The following DCAF4L2 variants were observed in gnomAD, a reference collection of about 807,000 sequenced individuals.
DCAF4L2 encodes the protein DDB1 and CUL4 associated factor 4 like 2, also known as DDB1- and CUL4-associated factor 4-like protein 2.
In DCAF4L2, 13 loss-of-function variants were observed where a neutral mutation model predicts 15.5. The ratio of observed to expected loss-of-function variants is 0.84; its 90% CI spans 0.54 to 1.33. The LOEUF (loss-of-function observed/expected upper bound fraction) is 1.33. Ranked by LOEUF, DCAF4L2 falls within the 40% of genes most tolerant of loss-of-function variation. DCAF4L2 has a pLI of 0.00. For synonymous variants in DCAF4L2, 251 were observed against 207.0 expected (o/e 1.21, Z -1.83); for missense variants, 519 against 509.6 (o/e 1.02, Z -0.18).
rs765307356 is a variant in DCAF4L2, at chr8:87,873,412, G to C, written c.560C>G (p.Ser187Cys). 9 of 1,614,186 alleles carry C rather than the reference G, an allele frequency of 5.6e-6. No homozygotes were observed. The South Asian group carries it at 8.8e-5, about 16-fold the overall frequency. ...GTGGATGCTCAGGGACCAGGCACAG[G>C]ACCAGGCATCAGGGATCTGGAAACT... is the stretch of plus-strand genomic sequence containing the variant. ...LCSFQIPDAW[S>C]CAWSLSIHAY... The change falls in exon 1 of 1, where the codon TCC becomes TGC. Residue 187 changes from serine to cysteine, a missense_variant. Ser to Cys is a moderately radical substitution (Grantham distance 112, BLOSUM62 -1). Coordinates refer to ENST00000319675, the MANE Select transcript of DCAF4L2 (RefSeq NM_152418.4).
Position 87,873,449 on chromosome 8 carries a change from C to T in DCAF4L2, c.523G>A (p.Gly175Ser), listed in dbSNP as rs373178646. The part of the protein sequence containing the change: ...IGSFPGMRRP[G>S]MLCSFQIPDA... ...GGGATCTGGAAACTGCAAAGCATGC[C>T]AGGCCGACGCATTCCTGGGAAGCTA... The change falls in exon 1 of 1, where the codon GGC (glycine) becomes AGC (serine). Residue 175 changes from glycine (G) to serine (S), a missense_variant. Coordinates refer to ENST00000319675, the MANE Select transcript of DCAF4L2 (RefSeq NM_152418.4). The T allele has an allele frequency of 8.7e-6, 14 of 1,614,196 alleles. No homozygotes were observed. The African/African-American group carries it at 9.3e-5, about 11-fold the overall frequency.
Position 87,871,258 on chromosome 8 carries a change from AACCAT to A in DCAF4L2, c.*1521_*1525del, listed in dbSNP as rs1271119509. 2 of 152,374 alleles carry A rather than the reference AACCAT, an allele frequency of 1.3e-5. No homozygotes were observed. The highest frequency in any genetic ancestry group is 3.9e-4 in the East Asian group (2 of 5,188). 9.4% of individuals were successfully genotyped at this position (152,374 alleles called of 1,614,324 possible). On this transcript the variant is annotated 3_prime_UTR_variant, in exon 1 of 1. Coordinates refer to ENST00000319675, the MANE Select transcript of DCAF4L2 (RefSeq NM_152418.4). ...CCTCCCCATTTTAGTAAATGACACC[AACCAT>A]CCACCAGTCCTAAAGTTAACAAAAA...
Position 87,872,931 on chromosome 8 carries a change from G to A in DCAF4L2, c.1041C>T (p.His347=), listed in dbSNP as rs1436569028. 1.2e-6 allele frequency: 2 copies of A among 1,614,172 alleles called. No homozygotes were observed. Among genetic ancestry groups the A allele is most frequent in the Non-Finnish European group, 8.5e-7 (1 of 1,180,028 alleles). The change falls in exon 1 of 1, where the codon CAC becomes CAT. Residue 347 remains histidine (H), a synonymous_variant. Coordinates refer to ENST00000319675, the MANE Select transcript of DCAF4L2 (RefSeq NM_152418.4). ...YTRIWSLRHG[H]LLTTIPSPYP... ...ATGGGGAGGGTATGGTTGTGAGCAG[G>A]TGGCCATGACGGAGGCTCCAGATTC... is the stretch of plus-strand genomic sequence containing the variant.
In DCAF4L2 at chr8:87,873,508, C is replaced by G; in HGVS notation, c.464G>C (p.Cys155Ser). Residue 155 changes from cysteine (C) to serine (S), a missense_variant, in exon 1 of 1, where the codon TGT (cysteine) becomes TCT (serine). Coordinates refer to ENST00000319675, the MANE Select transcript of DCAF4L2 (RefSeq NM_152418.4). ...CAGCGACGCTGGGAGCAGCACGGCA[C>G]AGCTTGGAGTATCTGCAAGTCCCAC... ...CFVGLADTPS[C>S]AVLLPASLFI... is the part of the protein sequence containing the mutation. The G allele has an allele frequency of 1.2e-6, 2 of 1,614,216 alleles. No individual in the cohort carries two copies. The highest frequency in any genetic ancestry group is 1.1e-5 in the South Asian group (1 of 91,088).
rs199872648 is a variant in DCAF4L2 at position 87,873,610 on chromosome 8, T to C, written c.362A>G (p.Tyr121Cys). ...AGAATTCACCTTCCGATTAGGGACG[T>C]AGAGGGTTTTGTGCGGGTATACCCG... ...ELRVYPHKTL[Y>C]VPNRKVNSMC... Residue 121 changes from tyrosine (Y) to cysteine (C), a missense_variant, in exon 1 of 1, where the codon TAC (tyrosine) becomes TGC (cysteine). Transcript: ENST00000319675. 3.1e-6 allele frequency: 5 copies of C among 1,614,098 alleles called. No individual in the cohort carries two copies. The highest frequency in any genetic ancestry group is 4.2e-6 in the Non-Finnish European group (5 of 1,180,024).
In DCAF4L2 at chr8:87,872,766, G is replaced by A. The variant is rs372278807; in HGVS notation, c.*18C>T. On this transcript the variant is annotated 3_prime_UTR_variant, in exon 1 of 1. Coordinates refer to ENST00000319675, the MANE Select transcript of DCAF4L2 (RefSeq NM_152418.4). ...CTTTAAGTCAAATCCACGTTCCTCC[G>A]GGCTGCATCCTGAAGAATTAACCGT... 3.9e-6 allele frequency: 6 copies of A among 1,539,236 alleles called. No individual in the cohort carries two copies. Among genetic ancestry groups the A allele is most frequent in the South Asian group, 2.6e-5 (2 of 78,268 alleles).
At position 87,873,496 on chromosome 8, in the gene DCAF4L2, A is replaced by G; in HGVS notation, c.476T>C (p.Leu159Pro). ...LADTPSCAVL[L>P]PASLFIGSFP... ...GCTACCTATGAACAGCGACGCTGGG[A>G]GCAGCACGGCACAGCTTGGAGTATC... The change falls in exon 1 of 1, where the codon CTC becomes CCC. Residue 159 changes from leucine (L) to proline (P), a missense_variant. Physicochemically the swap from Leu to Pro is moderately conservative, Grantham distance 98. Transcript: ENST00000319675. The G allele has an allele frequency of 6.2e-7, 1 of 1,614,198 alleles. No homozygotes were observed. The highest frequency in any genetic ancestry group is 8.5e-7 in the Non-Finnish European group (1 of 1,180,038).
In DCAF4L2 at chr8:87,871,532, T is replaced by C. The variant is rs1013486204; in HGVS notation, c.*1252A>G. On this transcript the variant is annotated 3_prime_UTR_variant, in exon 1 of 1. Coordinates refer to ENST00000319675, the MANE Select transcript of DCAF4L2 (RefSeq NM_152418.4). The stretch of plus-strand genomic sequence containing the variant: ...GTGAAGTGTATAGACATACAAAATA[T>C]GTATGTATCAAGGATCAAGAAAAAG... The C allele has an allele frequency of 6.6e-6, 1 of 152,152 alleles. No homozygotes were observed. The highest frequency in any genetic ancestry group is 2.4e-5 in the African/African-American group (1 of 41,444). The allele number at this position is 152,152 out of a possible 1,614,324, so 9.4% of individuals were successfully genotyped here. A position where few individuals can be genotyped will look rare whatever the true frequency, so the allele number is the denominator to read the frequency against.
chr8:87,872,585 C>G lies in DCAF4L2; in HGVS notation c.*199G>C. ...AGTTATCTTTTATGAAAAGGACTTTCAAGCTCTCTCAGCCCAGTTTAACTG... is the reference window on the plus strand; with the variant it reads ...AGTTATCTTTTATGAAAAGGACTTTGAAGCTCTCTCAGCCCAGTTTAACTG... On this transcript the variant is annotated 3_prime_UTR_variant, in exon 1 of 1. Transcript: ENST00000319675. 1 of 473,846 alleles carries G rather than the reference C, an allele frequency of 2.1e-6. No homozygotes were observed. Among genetic ancestry groups the G allele is most frequent in the South Asian group, 5.5e-5 (1 of 18,330 alleles). 29.4% of individuals were successfully genotyped at this position (473,846 alleles called of 1,614,324 possible).
In DCAF4L2 at chr8:87,873,022, T is replaced by C. The variant is rs973382388; in HGVS notation, c.950A>G (p.Tyr317Cys). Residue 317 changes from tyrosine (Y) to cysteine (C), a missense_variant, in exon 1 of 1, where the codon TAC becomes TGC. Transcript: ENST00000319675. ...TTCTTCGTTCACATGCACGGGTAGG[T>C]AGGCGGAGTTATTCACATGACCTTC... The part of the protein sequence containing the change: ...QYEGHVNNSA[Y>C]LPVHVNEEEG... 12 of 1,614,140 alleles carry C rather than the reference T, an allele frequency of 7.4e-6. No individual in the cohort carries two copies. The highest frequency in any genetic ancestry group is 1.0e-5 in the Non-Finnish European group (12 of 1,180,022).
In DCAF4L2 at chr8:87,872,658, A is replaced by G; in HGVS notation, c.*126T>C. The G allele has an allele frequency of 1.0e-6, 1 of 1,004,102 alleles. No homozygotes were observed. The highest frequency in any genetic ancestry group is 1.4e-6 in the Non-Finnish European group (1 of 707,926). The allele number at this position is 1,004,102 out of a possible 1,614,324, so 62.2% of individuals were successfully genotyped here. A position where few individuals can be genotyped will look rare whatever the true frequency, so the allele number is the denominator to read the frequency against. ...TCACATAAAACAGCACCTTACCCCT[A>G]GCAGCCGGATGGATGGGATCTACAA... is the stretch of plus-strand genomic sequence containing the variant. On this transcript the variant is annotated 3_prime_UTR_variant, in exon 1 of 1. Transcript: ENST00000319675.
In DCAF4L2 at chr8:87,873,419, C is replaced by A. The variant is rs1278768693; in HGVS notation, c.553G>T (p.Ala185Ser). 6.2e-7 allele frequency: 1 copy of A among 1,614,174 alleles called. No individual in the cohort carries two copies. Among genetic ancestry groups the A allele is most frequent in the Non-Finnish European group, 8.5e-7 (1 of 1,180,042 alleles). The part of the protein sequence containing the change: ...GMLCSFQIPD[A>S]WSCAWSLSIH... ...CTCAGGGACCAGGCACAGGACCAGGCATCAGGGATCTGGAAACTGCAAAGC... is the reference window on the plus strand; with the variant it reads ...CTCAGGGACCAGGCACAGGACCAGGAATCAGGGATCTGGAAACTGCAAAGC... The change falls in exon 1 of 1, where the codon GCC becomes TCC. Residue 185 changes from alanine (A) to serine (S), a missense_variant. Transcript: ENST00000319675.
At position 87,873,308 on chromosome 8, in the gene DCAF4L2, C is replaced by T. The variant is rs973786070; in HGVS notation, c.664G>A (p.Gly222Arg). 1.9e-6 allele frequency: 3 copies of T among 1,614,164 alleles called. No homozygotes were observed. Among genetic ancestry groups the T allele is most frequent in the Non-Finnish European group, 2.5e-6 (3 of 1,180,046 alleles). The change falls in exon 1 of 1, where the codon GGG becomes AGG. Residue 222 changes from glycine to arginine, a missense_variant. By Grantham distance (125) the Gly-to-Arg change is moderately radical (BLOSUM62 -2). Transcript: ENST00000319675. Reference sequence around the variant, plus strand: ...TGGGCCAAGACATCACTGCTAGTCCCAAATGACTGCTGGTGTCCCGTCACC... The same window carrying T: ...TGGGCCAAGACATCACTGCTAGTCCTAAATGACTGCTGGTGTCCCGTCACC... ...NVVTGHQQSFGTSSDVLAQQF... is the reference protein window; with the variant it reads ...NVVTGHQQSFRTSSDVLAQQF...
At position 87,873,698 on chromosome 8, in the gene DCAF4L2, C is replaced by A. The variant is rs1266486705; in HGVS notation, c.274G>T (p.Val92Phe). Reference protein sequence around the residue: ...NTDQLFTVNQVEAGGSKYGII... With the variant: ...NTDQLFTVNQFEAGGSKYGII... ...CCGTACTTGGAGCCTCCAGCTTCGACTTGGTTCACTGTGAAGAGCTGGTCA... is the reference window on the plus strand; with the variant it reads ...CCGTACTTGGAGCCTCCAGCTTCGAATTGGTTCACTGTGAAGAGCTGGTCA... Residue 92 changes from valine (V) to phenylalanine (F), a missense_variant, in exon 1 of 1, where the codon GTC becomes TTC. Coordinates refer to ENST00000319675, the MANE Select transcript of DCAF4L2 (RefSeq NM_152418.4). 1 of 1,614,194 alleles carries A rather than the reference C, an allele frequency of 6.2e-7. No individual in the cohort carries two copies.
rs1217739360 is a variant in DCAF4L2 at position 87,873,536 on chromosome 8, A to C, written c.436T>G (p.Phe146Val). 1.2e-6 allele frequency: 2 copies of C among 1,614,100 alleles called. No individual in the cohort carries two copies. Among genetic ancestry groups the C allele is most frequent in the South Asian group, 1.1e-5 (1 of 91,094 alleles). The change falls in exon 1 of 1, where the codon TTC (phenylalanine) becomes GTC (valine). Residue 146 changes from phenylalanine to valine, a missense_variant. Coordinates refer to ENST00000319675, the MANE Select transcript of DCAF4L2 (RefSeq NM_152418.4). ...NHLDSHLLLC[F>V]VGLADTPSCA... ...CTTGGAGTATCTGCAAGTCCCACGAAGCACAGCAGAAGGTGGGAATCCAAG... is the reference window on the plus strand; with the variant it reads ...CTTGGAGTATCTGCAAGTCCCACGACGCACAGCAGAAGGTGGGAATCCAAG...
rs142457899 is a variant in DCAF4L2, at chr8:87,870,777, G to T, written c.*2007C>A. 5.5e-4 allele frequency: 83 copies of T among 152,156 alleles called. No homozygotes were observed. The highest frequency in any genetic ancestry group is 1.9e-3 in the African/African-American group (79 of 41,518). The allele number at this position is 152,156 out of a possible 1,614,324, so 9.4% of individuals were successfully genotyped here. On this transcript the variant is annotated 3_prime_UTR_variant, in exon 1 of 1. Coordinates refer to ENST00000319675, the MANE Select transcript of DCAF4L2 (RefSeq NM_152418.4). ...TTGCACTTATTTTATTTGCAAGTGAGGGTAAACAGATTCGCAAGTTACGTA... is the reference window on the plus strand; with the variant it reads ...TTGCACTTATTTTATTTGCAAGTGATGGTAAACAGATTCGCAAGTTACGTA...
In DCAF4L2 at chr8:87,873,945, G is replaced by A. The variant is rs748253968; in HGVS notation, c.27C>T (p.Leu9=). The change falls in exon 1 of 1, where the codon CTC becomes CTT. Residue 9 remains leucine (L), a synonymous_variant. Coordinates refer to ENST00000319675, the MANE Select transcript of DCAF4L2 (RefSeq NM_152418.4). ...TCTTTTTCTGCTTGTCTGCTTCCTC[G>A]AGCAGTCGCGGTCTTTTGCTCTCCA... MESKRPRL[L]EEADKQKKTV... The A allele has an allele frequency of 8.7e-6, 14 of 1,613,796 alleles. No individual in the cohort carries two copies. In the South Asian group the frequency reaches 8.8e-5, roughly 10 times the overall value.
rs768880591 is a variant in DCAF4L2 at position 87,873,944 on chromosome 8, C to G, written c.28G>C (p.Glu10Gln). The change falls in exon 1 of 1, where the codon GAG becomes CAG. Residue 10 changes from glutamate to glutamine, a missense_variant. Transcript: ENST00000319675. MESKRPRLLEEADKQKKTVR... is the reference protein window; with the variant it reads MESKRPRLLQEADKQKKTVR... ...GTCTTTTTCTGCTTGTCTGCTTCCT[C>G]GAGCAGTCGCGGTCTTTTGCTCTCC... 1.7e-5 allele frequency: 28 copies of G among 1,613,882 alleles called. No homozygotes were observed. The highest frequency in any genetic ancestry group is 2.3e-5 in the Non-Finnish European group (27 of 1,179,970).
rs777447745 is a variant in DCAF4L2, at chr8:87,873,006, C to A, written c.966G>T (p.Val322=). Residue 322 remains valine, a synonymous_variant, in exon 1 of 1, where the codon GTG becomes GTT. Transcript: ENST00000319675. ...CCGCCACGACTCCTTCTTCTTCGTT[C>A]ACATGCACGGGTAGGTAGGCGGAGT... The part of the protein sequence containing the change: ...VNNSAYLPVH[V]NEEEGVVAAV... 10 of 1,614,088 alleles carry A rather than the reference C, an allele frequency of 6.2e-6. 1 individual carries two copies. The South Asian group carries it at 9.9e-5, about 16-fold the overall frequency.
Sources: allele counts gnomAD v4.1 joint callset, GRCh38; gene constraint gnomAD v4.1.1; transcripts MANE v1.5; gene names NCBI Gene and HGNC (gene_info 2026-07-23, HGNC 2026-07-21).